Variants in CBL observed in about 807,000 individuals in gnomAD.
CBL encodes E3 ubiquitin-protein ligase CBL.
A neutral mutation model predicts 96.9 loss-of-function variants in CBL; 45 were observed. The ratio of observed to expected loss-of-function variants is 0.46; its 90% CI spans 0.37 to 0.60. CBL has a LOEUF of 0.60. Among genes scored for constraint, CBL ranks in the 20% least tolerant of loss-of-function variants. The pLI, the probability that CBL is intolerant of heterozygous loss-of-function variation, is 0.00. For missense variants in CBL, 1,024 were observed against 1,143.5 expected (o/e 0.90, Z 1.51); for synonymous variants, 420 against 426.8 (o/e 0.98, Z 0.20).
intron 12 of CBL, among the ~76,000 whole-genome samples, chr11:119,292,783 C>T (rs1950037724): frequency 6.6e-6 from 1 of 152,172 alleles, no homozygotes; most frequent in Non-Finnish European, 1.5e-5. Flanking sequence ...ATGTGTGCCA[C>T]CACACCTAGC....
At chr11:119,287,094 A>G (rs889881859) in intron 11 of CBL, among the ~76,000 whole-genome samples, 2 of 152,202 alleles carry the variant, frequency 1.3e-5, no homozygotes, top group Non-Finnish European at 2.9e-5. Context: ...ACTGAAGAAT[A>G]ACAAAGGGGT....
intron 1 of CBL, among the ~76,000 whole-genome samples, chr11:119,223,279 G>A (rs1267453422): frequency 2.2e-5 from 3 of 138,190 alleles, no homozygotes; most frequent in Non-Finnish European, 3.0e-5. Flanking sequence ...CCATCCTCCC[G>A]TCTCAGCCTT....
intron 1 of CBL, among the ~76,000 whole-genome samples, chr11:119,212,941 C>G (rs902911964): frequency 1.3e-5 from 2 of 150,708 alleles, no homozygotes; most frequent in African/African-American, 4.9e-5. Context: ...CTACTGACCT[C>G]CAGCCTGGGT....
chr11:119,279,196 A>G (rs1251636493), intron 9 of CBL, among the ~76,000 whole-genome samples: 1 of 149,542 alleles, frequency 6.7e-6, no homozygotes, highest in African/African-American at 2.5e-5. Flanking sequence ...ATTTTAATGG[A>G]GTCTTGGCAT....
chr11:119,216,672 T>C (rs572050841), intron 1 of CBL, among the ~76,000 whole-genome samples: 281 of 152,240 alleles, frequency 1.8e-3, no homozygotes, highest in African/African-American at 6.4e-3. Flanking sequence ...GACCAGCCTC[T>C]TGGACTTATT....
intron 1 of CBL, among the ~76,000 whole-genome samples, chr11:119,207,891 A>G (rs11828701): frequency 0.012 from 1,783 of 152,308 alleles, 31 homozygotes; most frequent in African/African-American, 0.04. Context: ...CCGCTAATAA[A>G]ATGATTATGA....
At chr11:119,239,451 C>G (rs528875254) in intron 2 of CBL, among the ~76,000 whole-genome samples, 31 of 152,258 alleles carry the variant, frequency 2.0e-4, no homozygotes, top group Admixed American at 1.8e-3. Context: ...ATCTGGTACT[C>G]CACAACTTTG....
At chr11:119,245,597 T>C (rs1278211283) in intron 2 of CBL, among the ~76,000 whole-genome samples, 1 of 151,834 alleles carries the variant, frequency 6.6e-6, no homozygotes, top group Non-Finnish European at 1.5e-5. Flanking sequence ...GGCATGGTGG[T>C]GGGTACCTGT....
intron 2 of CBL, among the ~76,000 whole-genome samples, chr11:119,234,892 A>G (rs1317853053): frequency 6.6e-6 from 1 of 152,250 alleles, no homozygotes; most frequent in East Asian, 1.9e-4. Flanking sequence ...TTTTCTAGGC[A>G]GAGAAGTCAA....
At position 119,303,386 on chromosome 11, in the gene CBL, T is replaced by G. The variant is rs1461033061; in HGVS notation, c.*3605T>G. Reference sequence around the variant, plus strand: ...TTTGTTTGTTCATCCAGCAAATGTTTATGAGTGATGACCATGTGCCAGAAA... The same window carrying G: ...TTTGTTTGTTCATCCAGCAAATGTTGATGAGTGATGACCATGTGCCAGAAA... On this transcript the variant is annotated 3_prime_UTR_variant, in exon 16 of 16. Transcript: ENST00000264033. The G allele has an allele frequency of 1.3e-5, 3 of 233,454 alleles. No homozygotes were observed. The highest frequency in any genetic ancestry group is 5.6e-5 in the Admixed American group (1 of 17,782). 14.5% of individuals were successfully genotyped at this position (233,454 alleles called of 1,614,324 possible). A position where few individuals can be genotyped will look rare whatever the true frequency, so the allele number is the denominator to read the frequency against.
In CBL at chr11:119,302,485, T is replaced by C. The variant is rs796274442; in HGVS notation, c.*2704T>C. 21 of 233,010 alleles carry C rather than the reference T, an allele frequency of 9.0e-5. No individual in the cohort carries two copies. The highest frequency in any genetic ancestry group is 3.7e-4 in the African/African-American group (17 of 45,462). The allele number at this position is 233,010 out of a possible 1,614,324, so 14.4% of individuals were successfully genotyped here. Reference sequence around the variant, plus strand: ...CCTTTTATGAACAGACTTCGAGTTTTGCCATTTTGGGCAAGCCCTTCCGCT... The same window carrying C: ...CCTTTTATGAACAGACTTCGAGTTTCGCCATTTTGGGCAAGCCCTTCCGCT... On this transcript the variant is annotated 3_prime_UTR_variant, in exon 16 of 16. Transcript: ENST00000264033.
At chr11:119,212,593 G>C (rs954523324) in intron 1 of CBL, among the ~76,000 whole-genome samples, 2 of 152,086 alleles carry the variant, frequency 1.3e-5, no homozygotes, top group Admixed American at 1.3e-4. Context: ...ACCATTGCAT[G>C]CCAGCCTGGG....
chr11:119,217,089 A>G (rs1949367868), intron 1 of CBL, among the ~76,000 whole-genome samples: 1 of 152,240 alleles, frequency 6.6e-6, no homozygotes, highest in East Asian at 1.9e-4. Context: ...AGATTCAGAT[A>G]GATTAAACAA....
chr11:119,247,656 C>G (rs557016731), intron 2 of CBL, among the ~76,000 whole-genome samples: 1 of 152,112 alleles, frequency 6.6e-6, no homozygotes, highest in East Asian at 1.9e-4. Context: ...ACTAAAAATA[C>G]AAAAATTAGC....
chr11:119,279,846 A>T (rs1450179800), intron 9 of CBL, among the ~76,000 whole-genome samples: 1 of 152,204 alleles, frequency 6.6e-6, no homozygotes, highest in African/African-American at 2.4e-5. Context: ...TACTTTTTCA[A>T]AGTGTTTGTT....
chr11:119,226,294 C>G (rs1236272682), intron 1 of CBL, among the ~76,000 whole-genome samples: 1 of 152,074 alleles, frequency 6.6e-6, no homozygotes, highest in African/African-American at 2.4e-5. Flanking sequence ...GTAATTCTTG[C>G]CTCCCCTGCA....
intron 2 of CBL, among the ~76,000 whole-genome samples, chr11:119,237,732 C>A (rs1025459145): frequency 6.6e-6 from 1 of 152,178 alleles, no homozygotes; most frequent in African/African-American, 2.4e-5. Context: ...AGTTTCATTT[C>A]ATTAATCTAC....
chr11:119,264,442 T>TCTTCTCTTCTTTCTC (rs5795173), intron 2 of CBL, among the ~76,000 whole-genome samples: 79 of 44,392 alleles, frequency 1.8e-3, no homozygotes, highest in African/African-American at 3.1e-3. Flanking sequence ...TCTTCTCTTC[T>TCTTCTCTTCTTTCTC]TTCTCTTCTC....
intron 5 of CBL, among the ~76,000 whole-genome samples, 168 bp from the exon 6 acceptor site, chr11:119,275,829 T>C (rs1046008205): frequency 2.0e-5 from 3 of 152,196 alleles, no homozygotes; most frequent in African/African-American, 7.2e-5. Context: ...GCCACTGCAC[T>C]CTAGCCTGGG....
Sources: gnomAD v4.1 joint callset for allele counts (sites outside exome capture counted in the v4.1 genomes callset) on GRCh38, gnomAD v4.1.1 for gene constraint, MANE v1.5 for transcripts, NCBI Gene and HGNC (gene_info 2026-07-23, HGNC 2026-07-21) for gene names.